PXK: variants seen among roughly 807,000 people sequenced by gnomAD.
The protein encoded by PXK is PX domain containing serine/threonine kinase like.
A neutral mutation model predicts 84.7 loss-of-function variants in PXK; 35 were observed. That is an observed-to-expected ratio of 0.41 (90% CI 0.32 to 0.55). The LOEUF is 0.55. PXK is among the 20% of genes least tolerant of loss of function. The pLI, the probability that PXK is intolerant of heterozygous loss-of-function variation, is 0.21. For synonymous variants in PXK, 253 were observed against 260.8 expected (o/e 0.97, Z 0.29); for missense variants, 634 against 699.7 (o/e 0.91, Z 1.06).
At chr3:58,357,038 T>C (rs1399973514) in intron 1 of PXK, among the ~76,000 whole-genome samples, 3 of 150,798 alleles carry the variant, frequency 2.0e-5, no homozygotes, top group Non-Finnish European at 4.4e-5. Flanking sequence ...CCCAGCACTT[T>C]GGGAGGCTGA....
chr3:58,377,778 G>GA (rs1479153583), intron 3 of PXK, among the ~76,000 whole-genome samples: 1 of 152,164 alleles, frequency 6.6e-6, no homozygotes, highest in Non-Finnish European at 1.5e-5. Flanking sequence ...AACAGGAGAA[G>GA]AAAAAACCAC....
intron 17 of PXK, among the ~76,000 whole-genome samples, chr3:58,424,078 G>C (rs952703449): frequency 4.7e-5 from 7 of 149,760 alleles, no homozygotes; most frequent in African/African-American, 1.7e-4. Flanking sequence ...CCATGGCAGA[G>C]AGACCCCTCT....
chr3:58,333,462 G>A lies in PXK; in HGVS notation c.102+372G>A, dbSNP rs1457113565. 3.8e-5 allele frequency: 17 copies of A among 447,866 alleles called. No homozygotes were observed. The highest frequency in any genetic ancestry group is 2.7e-4 in the South Asian group (17 of 63,488). The allele number at this position is 447,866 out of a possible 1,614,324, so 27.7% of individuals were successfully genotyped here. ...CGCTCAGGACCATCCACTTCTGCCC[G>A]CCGCCAGCCTTTTCCTTTTTGAGGC... On this transcript the variant is annotated intron_variant, in intron 1 of 17. Coordinates refer to ENST00000356151, the MANE Select transcript of PXK (RefSeq NM_017771.5). The surrounding 1 kb of genome is among the most constrained non-coding windows in gnomAD (Gnocchi z 5.4).
Position 58,409,028 on chromosome 3 carries a change from C to A in PXK, c.1308+27C>A. The stretch of plus-strand genomic sequence containing the variant: ...TAAATTGATAACGGTTCCTCTTTGC[C>A]TTTTAGTGTCCCCATCCTCTGCCGT... On this transcript the variant is annotated intron_variant, in intron 14 of 17. Coordinates refer to ENST00000356151, the MANE Select transcript of PXK (RefSeq NM_017771.5). The surrounding 1 kb of genome is among the most constrained non-coding windows in gnomAD (Gnocchi z 4.2). 1 of 1,497,528 alleles carries A rather than the reference C, an allele frequency of 6.7e-7. No homozygotes were observed. The allele number at this position is 1,497,528 out of a possible 1,614,324, so 92.8% of individuals were successfully genotyped here.
Position 58,390,534 on chromosome 3 carries a change from C to A in PXK, c.389-48C>A. ...CAAGAATAATATCTTCAGCATATGG[C>A]CCTTTCCTGATATGTCTGACTAATG... On this transcript the variant is annotated intron_variant, in intron 4 of 17. Coordinates refer to ENST00000356151, the MANE Select transcript of PXK (RefSeq NM_017771.5). This position sits in a 1 kb window ranked among gnomAD's most constrained non-coding sequence, Gnocchi z 4.2. 1 of 1,427,450 alleles carries A rather than the reference C, an allele frequency of 7.0e-7. No individual in the cohort carries two copies. Among genetic ancestry groups the A allele is most frequent in the Non-Finnish European group, 9.8e-7 (1 of 1,016,864 alleles). The allele number at this position is 1,427,450 out of a possible 1,614,324, so 88.4% of individuals were successfully genotyped here.
At position 58,364,229 on chromosome 3, in the gene PXK, G is replaced by A. The variant is rs1054721719; in HGVS notation, c.103-1645G>A. On this transcript the variant is annotated intron_variant, in intron 1 of 17. Transcript: ENST00000356151. The surrounding 1 kb of genome is among the most constrained non-coding windows in gnomAD (Gnocchi z 4.3). ...TGTACTGTCTTTGGTTTTGGGACCT[G>A]GGTAATACTAGCTTCATCAAGTGAA... Among the ~76,000 whole-genome samples, 27 of 152,074 alleles carry A rather than the reference G, an allele frequency of 1.8e-4. No individual in the cohort carries two copies. Among genetic ancestry groups the A allele is most frequent in the African/African-American group, 6.0e-4 (25 of 41,406 alleles).
In PXK at chr3:58,421,840, G is replaced by T. The variant is rs2061920960; in HGVS notation, c.1529-2912G>T. On this transcript the variant is annotated intron_variant, in intron 17 of 17. Transcript: ENST00000356151. This position sits in a 1 kb window ranked among gnomAD's most constrained non-coding sequence, Gnocchi z 5.5. ...GATGGGAGAAATCGGGACTGACCTG[G>T]TCGTAACTGAAGGTAAGCTGTTTGC... The T allele has an allele frequency of 1.0e-6, 1 of 985,302 alleles. No individual in the cohort carries two copies. The highest frequency in any genetic ancestry group is 1.7e-5 in the African/African-American group (1 of 57,240). 61.0% of individuals were successfully genotyped at this position (985,302 alleles called of 1,614,324 possible).
chr3:58,353,704 G>A (rs1327073702), intron 1 of PXK, among the ~76,000 whole-genome samples: 2 of 152,320 alleles, frequency 1.3e-5, no homozygotes, highest in Admixed American at 1.3e-4. Flanking sequence ...GTGGACTGCT[G>A]CCTATGGCTG....
intron 13 of PXK, among the ~76,000 whole-genome samples, chr3:58,406,203 C>T (rs1326209951): frequency 6.6e-6 from 1 of 152,126 alleles, no homozygotes; most frequent in East Asian, 1.9e-4. Flanking sequence ...AGGTGAACCA[C>T]TCACCTCGGC....
intron 1 of PXK, among the ~76,000 whole-genome samples, chr3:58,335,003 C>T (rs1279792568): frequency 9.8e-6 from 1 of 102,178 alleles, no homozygotes; most frequent in African/African-American, 3.6e-5. Flanking sequence ...AGCGTCTCAC[C>T]ATGTTGTCCA....
intron 1 of PXK, among the ~76,000 whole-genome samples, chr3:58,353,123 A>C (rs895479050): frequency 1.3e-5 from 2 of 151,826 alleles, no homozygotes; most frequent in African/African-American, 4.8e-5. Flanking sequence ...CAGCCTCCCG[A>C]ATAGCTGGGA....
chr3:58,344,760 G>A (rs146306068), intron 1 of PXK, among the ~76,000 whole-genome samples: 80 of 152,292 alleles, frequency 5.3e-4, no homozygotes, highest in African/African-American at 1.6e-3. Context: ...CCTTGGAGGC[G>A]GAGGCTGCAG....
intron 17 of PXK, chr3:58,422,700 C>A (rs964251362): frequency 1.1e-4 from 108 of 985,250 alleles, no homozygotes; most frequent in Non-Finnish European, 1.3e-4. Context: ...TCTGTGAGGC[C>A]AAGCAGTTTT....
chr3:58,357,483 T>G (rs1049022751), intron 1 of PXK, among the ~76,000 whole-genome samples: 40 of 152,152 alleles, frequency 2.6e-4, no homozygotes, highest in Admixed American at 3.9e-4. Flanking sequence ...TGTTTTACAG[T>G]TACCTTTCAT....
At chr3:58,349,782 C>T (rs2097888287) in intron 1 of PXK, among the ~76,000 whole-genome samples, 1 of 152,230 alleles carries the variant, frequency 6.6e-6, no homozygotes, top group African/African-American at 2.4e-5. Flanking sequence ...ACCCTATCCA[C>T]ATTCCAAGAG....
chr3:58,343,623 T>C (rs1233051597), intron 1 of PXK, among the ~76,000 whole-genome samples: 1 of 152,188 alleles, frequency 6.6e-6, no homozygotes, highest in Admixed American at 6.5e-5. Context: ...CTGTAGATGG[T>C]AAGGGGCGCA....
At chr3:58,410,252 GA>G (rs1315389194) in intron 16 of PXK, 93 bp downstream of exon 16, 1 of 880,664 alleles carries the variant, frequency 1.1e-6, no homozygotes, top group African/African-American at 1.7e-5. Flanking sequence ...CTGCTGGCCA[GA>G]AACTGGGCAA....
intron 3 of PXK, among the ~76,000 whole-genome samples, chr3:58,380,735 G>A (rs1424954479): frequency 1.3e-5 from 2 of 151,842 alleles, no homozygotes; most frequent in South Asian, 2.1e-4. Flanking sequence ...GCTTGAACCC[G>A]GGAGGCGGAG....
chr3:58,415,202 A>G (rs955162050), intron 17 of PXK, among the ~76,000 whole-genome samples: 4 of 152,120 alleles, frequency 2.6e-5, no homozygotes, highest in African/African-American at 4.8e-5. Context: ...CAGTTTTGCT[A>G]TGGACACCAG....
Sources: allele counts gnomAD v4.1 joint callset (sites outside exome capture counted in the v4.1 genomes callset), GRCh38; gene constraint gnomAD v4.1.1; non-coding constraint Gnocchi (gnomAD v3.1); transcripts MANE v1.5; gene names NCBI Gene and HGNC (gene_info 2026-07-23, HGNC 2026-07-21).